The following SUGCT variants were observed in gnomAD, a reference collection of about 807,000 sequenced individuals.
SUGCT encodes succinyl-CoA:glutarate-CoA transferase, also known as succinyl-CoA:glutarate CoA-transferase.
Under a neutral mutation model 55.0 loss-of-function variants are expected in SUGCT, and 41 were observed. The observed-to-expected ratio is 0.74, with a 90% CI of 0.58 to 0.97. SUGCT has a LOEUF of 0.97. Ranked by LOEUF, SUGCT falls within the 50% of genes least tolerant of loss-of-function variation. SUGCT has a pLI of 0.00. For missense variants in SUGCT, 568 were observed against 547.8 expected, an observed-to-expected ratio of 1.04 and a Z score of -0.37; for synonymous variants, 187 against 200.4, an observed-to-expected ratio of 0.93 and a Z score of 0.56.
intron 1 of SUGCT, among the ~76,000 whole-genome samples, chr7:40,138,303 A>G (rs772705448): frequency 6.6e-6 from 1 of 152,202 alleles, no homozygotes; most frequent in Non-Finnish European, 1.5e-5. Flanking sequence ...AGTTCTATCC[A>G]TGTTGCTGCA....
intron 12 of SUGCT, among the ~76,000 whole-genome samples, chr7:40,618,443 C>A (rs889022815): frequency 6.6e-6 from 1 of 152,134 alleles, no homozygotes; most frequent in Non-Finnish European, 1.5e-5. Context: ...AAAGTGGTAC[C>A]CATACTACTG....
the SUGCT span, among the ~76,000 whole-genome samples, chr7:40,894,414 T>C: frequency 1.3e-5 from 2 of 152,090 alleles, no homozygotes; most frequent in African/African-American, 4.8e-5. Flanking sequence ...CTGGCAAACA[T>C]TTCATGATGA....
the SUGCT span, among the ~76,000 whole-genome samples, chr7:40,882,183 C>T: frequency 5.9e-5 from 9 of 152,148 alleles, no homozygotes; most frequent in Admixed American, 3.9e-4. Context: ...GAGGAAAAAT[C>T]CATTAATTTA....
intron 1 of SUGCT, among the ~76,000 whole-genome samples, chr7:40,169,609 A>T: frequency 6.6e-6 from 1 of 152,128 alleles, no homozygotes. Context: ...TTCTATTCGG[A>T]CAATCTTTTT....
chr7:40,312,129 T>C (rs1440649961), intron 8 of SUGCT, among the ~76,000 whole-genome samples: 1 of 151,736 alleles, frequency 6.6e-6, no homozygotes. Flanking sequence ...AACCTCTGCT[T>C]CCCGGGTTCA....
chr7:40,956,493 T>G, the SUGCT span, among the ~76,000 whole-genome samples: 18 of 152,178 alleles, frequency 1.2e-4, no homozygotes, highest in Admixed American at 2.0e-4. Context: ...TCATTTTCAT[T>G]GTTTCTATTT....
chr7:40,335,386 A>G (rs1322282271), intron 9 of SUGCT, among the ~76,000 whole-genome samples: 3 of 151,804 alleles, frequency 2.0e-5, no homozygotes, highest in African/African-American at 7.2e-5. Flanking sequence ...ATGAGCATGG[A>G]ATGTTCTTCC....
chr7:40,228,828 A>G (rs1158477552), intron 6 of SUGCT, among the ~76,000 whole-genome samples: 1 of 152,118 alleles, frequency 6.6e-6, no homozygotes, highest in Middle Eastern at 3.4e-3. Context: ...ATTTTCCCCT[A>G]GGCTTTACCA....
At chr7:40,451,926 A>C (rs1262959639) in intron 10 of SUGCT, among the ~76,000 whole-genome samples, 1 of 152,214 alleles carries the variant, frequency 6.6e-6, no homozygotes, top group Non-Finnish European at 1.5e-5. Flanking sequence ...AGTTCTTCAC[A>C]GTGAGCCCCT....
At chr7:40,548,301 C>A (rs542008070) in intron 12 of SUGCT, among the ~76,000 whole-genome samples, 1 of 151,026 alleles carries the variant, frequency 6.6e-6, no homozygotes, top group Admixed American at 6.6e-5. Context: ...TGCTCCTCCC[C>A]GCTAAACTGT....
chr7:40,454,813 A>G (rs1178021745), intron 10 of SUGCT, among the ~76,000 whole-genome samples: 1 of 152,176 alleles, frequency 6.6e-6, no homozygotes, highest in Non-Finnish European at 1.5e-5. Context: ...ATAAAGGAAA[A>G]CTAAGGGAAT....
the SUGCT span, among the ~76,000 whole-genome samples, chr7:40,973,117 T>C: frequency 2.0e-5 from 3 of 152,124 alleles, no homozygotes; most frequent in Non-Finnish European, 2.9e-5. Flanking sequence ...CCCAGGTTGG[T>C]GGAAACAGGA....
chr7:40,979,308 C>T, the SUGCT span: 2 of 152,266 alleles, frequency 1.3e-5, no homozygotes, highest in South Asian at 2.1e-4. Flanking sequence ...GCCCAAACTA[C>T]CTGTGAAGCT....
chr7:40,557,499 G>A (rs1251029544), intron 12 of SUGCT, among the ~76,000 whole-genome samples: 4 of 152,148 alleles, frequency 2.6e-5, no homozygotes, highest in African/African-American at 4.8e-5. Flanking sequence ...GAGGCCAGGC[G>A]TGGTGGCTCA....
intron 9 of SUGCT, among the ~76,000 whole-genome samples, chr7:40,431,846 A>G (rs1182526645): frequency 6.6e-6 from 1 of 152,042 alleles, no homozygotes; most frequent in African/African-American, 2.4e-5. Flanking sequence ...TAAAATGCTG[A>G]TAGTTTTTGT....
chr7:40,877,589 A>G, the SUGCT span, among the ~76,000 whole-genome samples: 1 of 152,244 alleles, frequency 6.6e-6, no homozygotes, highest in South Asian at 2.1e-4. Context: ...TTCAAAACCA[A>G]AATGATGGGA....
At chr7:40,619,864 A>T (rs1311022579) in intron 12 of SUGCT, among the ~76,000 whole-genome samples, 1 of 152,208 alleles carries the variant, frequency 6.6e-6, no homozygotes, top group African/African-American at 2.4e-5. Flanking sequence ...TTGTCGTATT[A>T]CTTTCAATTC....
chr7:40,930,718 T>G, the SUGCT span, among the ~76,000 whole-genome samples: 1 of 152,244 alleles, frequency 6.6e-6, no homozygotes, highest in African/African-American at 2.4e-5. Flanking sequence ...TTTGGCTCTC[T>G]GTTTGTCTGT....
chr7:40,847,421 T>TC (rs1348742559), intron 13 of SUGCT, among the ~76,000 whole-genome samples: 1 of 143,388 alleles, frequency 7.0e-6, no homozygotes, highest in Non-Finnish European at 1.5e-5. Flanking sequence ...CTTTTTTTTT[T>TC]TTTTTTTTTT....
Sources: gnomAD v4.1 joint callset for allele counts (sites outside exome capture counted in the v4.1 genomes callset) on GRCh38, gnomAD v4.1.1 for gene constraint, MANE v1.5 for transcripts, NCBI Gene and HGNC (gene_info 2026-07-23, HGNC 2026-07-21) for gene names.